Variants in CCDC102B observed in about 807,000 individuals in gnomAD.
CCDC102B encodes coiled-coil domain containing 102B.
A neutral mutation model predicts 57.4 loss-of-function variants in CCDC102B; 75 were observed. The ratio of observed to expected loss-of-function variants is 1.31; its 90% CI spans 1.08 to 1.58. CCDC102B has a LOEUF of 1.58. CCDC102B is among the 40% of genes most tolerant of loss of function. The probability of loss-of-function intolerance (pLI) is 0.00; values close to 1 mark genes in which losing one functional copy is unlikely to be tolerated. For synonymous variants in CCDC102B, 206 were observed against 201.9 expected (o/e 1.02, Z -0.17); for missense variants, 636 against 582.6 (o/e 1.09, Z -0.94).
chr18:68,829,755 T>C (rs1024249003), intron 1 of CCDC102B, among the ~76,000 whole-genome samples: 1 of 152,004 alleles, frequency 6.6e-6, no homozygotes, highest in African/African-American at 2.4e-5. Context: ...AGTGTGAATA[T>C]GGTAAACGGT....
At chr18:68,969,981 C>T (rs187047356) in intron 6 of CCDC102B, among the ~76,000 whole-genome samples, 119 of 152,100 alleles carry the variant, frequency 7.8e-4, no homozygotes, top group Middle Eastern at 3.4e-3. Flanking sequence ...CTTGAAATAA[C>T]AATTTCATTA....
chr18:68,885,905 A>G (rs1415906783), intron 5 of CCDC102B, among the ~76,000 whole-genome samples: 2 of 152,042 alleles, frequency 1.3e-5, no homozygotes, highest in Non-Finnish European at 2.9e-5. Context: ...TTTCTCGGAA[A>G]TGTGTACTTC....
chr18:68,811,975 A>G (rs9951608), intron 1 of CCDC102B, among the ~76,000 whole-genome samples: 32,043 of 152,152 alleles, frequency 0.21, 3,562 homozygotes, highest in East Asian at 0.4. Flanking sequence ...TTAAATTATC[A>G]ATCTGGAAAA....
intron 6 of CCDC102B, among the ~76,000 whole-genome samples, chr18:68,960,957 G>T (rs916328853): frequency 1.3e-5 from 2 of 152,058 alleles, no homozygotes; most frequent in African/African-American, 2.4e-5. Context: ...AGTATTGTTA[G>T]TTACCAATCC....
intron 6 of CCDC102B, among the ~76,000 whole-genome samples, chr18:68,942,575 C>A (rs2049408510): frequency 6.6e-6 from 1 of 151,976 alleles, no homozygotes; most frequent in African/African-American, 2.4e-5. Context: ...GAAAAAAATG[C>A]TGTGCTTTTG....
chr18:68,944,962 C>G (rs768729693), intron 6 of CCDC102B, among the ~76,000 whole-genome samples: 2 of 152,022 alleles, frequency 1.3e-5, no homozygotes, highest in South Asian at 2.1e-4. Context: ...CCAAATGTCT[C>G]TGGTACTGCC....
At chr18:68,802,017 C>T (rs1459125802) in intron 1 of CCDC102B, among the ~76,000 whole-genome samples, 1 of 152,028 alleles carries the variant, frequency 6.6e-6, no homozygotes, top group East Asian at 1.9e-4. Flanking sequence ...CACAATAAAA[C>T]ATGAAAATTA....
At chr18:68,801,283 T>C (rs2144684289) in intron 1 of CCDC102B, among the ~76,000 whole-genome samples, 2 of 152,240 alleles carry the variant, frequency 1.3e-5, no homozygotes, top group South Asian at 4.1e-4. Context: ...CCTGACTAAT[T>C]GTAGATGCTC....
chr18:68,819,117 T>C (rs897265376), intron 1 of CCDC102B, among the ~76,000 whole-genome samples: 4 of 152,176 alleles, frequency 2.6e-5, no homozygotes, highest in African/African-American at 9.6e-5. Context: ...TTTAATAAAA[T>C]ACTTTTTATA....
chr18:68,729,070 T>G (rs550606947), intron 2 of CCDC102B, among the ~76,000 whole-genome samples: 10 of 152,308 alleles, frequency 6.6e-5, no homozygotes, highest in Admixed American at 4.6e-4. Flanking sequence ...ATTGTGTTAC[T>G]TTAAAATAGC....
intron 1 of CCDC102B, among the ~76,000 whole-genome samples, chr18:68,810,252 T>C (rs1256934523): frequency 6.6e-6 from 1 of 152,210 alleles, no homozygotes; most frequent in African/African-American, 2.4e-5. Context: ...AATTTTCAGA[T>C]AGATTTTAGT....
chr18:69,037,408 GACA>G (rs1368993895), intron 7 of CCDC102B, among the ~76,000 whole-genome samples: 1 of 151,968 alleles, frequency 6.6e-6, no homozygotes, highest in Non-Finnish European at 1.5e-5. Flanking sequence ...AAGGATAAAG[GACA>G]ACAAGAGGTA....
intron 2 of CCDC102B, among the ~76,000 whole-genome samples, chr18:68,746,775 G>A (rs1178568305): frequency 1.3e-5 from 2 of 151,272 alleles, no homozygotes; most frequent in African/African-American, 2.4e-5. Flanking sequence ...ATATAATTGA[G>A]ATATAAAAAC....
At chr18:68,772,975 G>A (rs1173370167) in intron 2 of CCDC102B, among the ~76,000 whole-genome samples, 1 of 152,044 alleles carries the variant, frequency 6.6e-6, no homozygotes, top group Non-Finnish European at 1.5e-5. Context: ...TGGTTAAGTG[G>A]TAAGAGGGCA....
intron 5 of CCDC102B, among the ~76,000 whole-genome samples, chr18:68,887,798 T>A (rs1232189429): frequency 6.6e-6 from 1 of 152,192 alleles, no homozygotes. Context: ...ATATTTATAG[T>A]GTACAGTGGA....
chr18:68,868,984 A>G (rs955976024), intron 4 of CCDC102B, among the ~76,000 whole-genome samples: 5 of 152,154 alleles, frequency 3.3e-5, no homozygotes, highest in Non-Finnish European at 5.9e-5. Context: ...GATTAAACGG[A>G]TGTTGCAAAT....
intron 6 of CCDC102B, chr18:68,993,462 T>A (rs2050931254): frequency 1.3e-5 from 2 of 152,376 alleles, no homozygotes; most frequent in Admixed American, 1.3e-4. Context: ...TTCTTCCCTC[T>A]TTTCCTGTAA....
intron 7 of CCDC102B, among the ~76,000 whole-genome samples, chr18:69,028,929 T>C (rs2052063985): frequency 6.7e-6 from 1 of 148,196 alleles, no homozygotes; most frequent in Non-Finnish European, 1.5e-5. Flanking sequence ...AAATTGTTCA[T>C]GGCATGTTAA....
chr18:69,056,748 TA>T (rs150689292), downstream of CCDC102B, among the ~76,000 whole-genome samples: 964 of 152,076 alleles, frequency 6.3e-3, 13 homozygotes, highest in African/African-American at 0.022. Flanking sequence ...AGAGATTTTT[TA>T]AAAATTGTAA....
Sources: allele counts gnomAD v4.1 joint callset (sites outside exome capture counted in the v4.1 genomes callset), GRCh38; gene constraint gnomAD v4.1.1; transcripts MANE v1.5; gene names NCBI Gene and HGNC (gene_info 2026-07-23, HGNC 2026-07-21).